Variants in NKAIN2 observed in about 807,000 individuals in gnomAD.
NKAIN2 encodes sodium/potassium-transporting ATPase subunit beta-1-interacting protein 2.
A neutral mutation model predicts 32.6 loss-of-function variants in NKAIN2; 14 were observed. That is an observed-to-expected ratio of 0.43 (90% CI 0.28 to 0.67). The LOEUF is 0.67. NKAIN2 is among the 30% of genes least tolerant of loss of function. The pLI, the probability that NKAIN2 is intolerant of heterozygous loss-of-function variation, is 0.17. For synonymous variants in NKAIN2, 80 were observed against 87.2 expected (o/e 0.92, Z 0.46); for missense variants, 198 against 258.3 (o/e 0.77, Z 1.60).
At chr6:124,392,548 AT>A in intron 3 of NKAIN2, among the ~76,000 whole-genome samples, 2 of 152,086 alleles carry the variant, frequency 1.3e-5, no homozygotes, top group African/African-American at 4.8e-5. Flanking sequence ...GCTTGTGTGT[AT>A]TTGCCCTGAG....
chr6:124,166,917 G>A (rs1788577977), intron 1 of NKAIN2, among the ~76,000 whole-genome samples: 3 of 149,214 alleles, frequency 2.0e-5, no homozygotes, highest in Admixed American at 2.0e-4. Context: ...TTTGGTTACT[G>A]TAGCCTTGTA....
chr6:124,364,677 C>T (rs1799442861), intron 3 of NKAIN2, among the ~76,000 whole-genome samples: 1 of 151,488 alleles, frequency 6.6e-6, no homozygotes, highest in African/African-American at 2.4e-5. Context: ...AAGCATTTTT[C>T]AACAACACGT....
At chr6:124,646,988 G>A (rs1007030620) in intron 3 of NKAIN2, among the ~76,000 whole-genome samples, 4 of 151,354 alleles carry the variant, frequency 2.6e-5, no homozygotes, top group Non-Finnish European at 4.4e-5. Context: ...AACAAAAAAA[G>A]CAAGAAACCT....
chr6:124,209,659 T>G (rs1209907606), intron 1 of NKAIN2, among the ~76,000 whole-genome samples: 1 of 151,922 alleles, frequency 6.6e-6, no homozygotes, highest in Non-Finnish European at 1.5e-5. Context: ...TTAACAATGG[T>G]AAGATGATCT....
At chr6:124,687,275 TAGAGAG>T (rs201082924) in intron 4 of NKAIN2, among the ~76,000 whole-genome samples, 1 of 126,854 alleles carries the variant, frequency 7.9e-6, no homozygotes. Flanking sequence ...TCTCTATATA[TAGAGAG>T]AGAATATATA....
chr6:124,283,302 A>G (rs1795390394), intron 2 of NKAIN2, 160 bp downstream of exon 2: 1 of 548,304 alleles, frequency 1.8e-6, no homozygotes, highest in Non-Finnish European at 3.2e-6. Context: ...TTCCATCAAC[A>G]GTAATTGAAA....
chr6:124,463,203 G>A (rs570454988), intron 3 of NKAIN2, among the ~76,000 whole-genome samples: 110 of 151,992 alleles, frequency 7.2e-4, no homozygotes, highest in Middle Eastern at 3.4e-3. Flanking sequence ...AACAACCTAA[G>A]TTTAAAGAAT....
intron 4 of NKAIN2, among the ~76,000 whole-genome samples, chr6:124,660,155 G>A (rs1784695094): frequency 6.6e-6 from 1 of 152,070 alleles, no homozygotes; most frequent in South Asian, 2.1e-4. Context: ...TGTATTAAAA[G>A]GAGGTTTTAA....
intron 3 of NKAIN2, among the ~76,000 whole-genome samples, chr6:124,363,572 G>A (rs1053616504): frequency 4.6e-5 from 7 of 152,232 alleles, no homozygotes; most frequent in East Asian, 1.9e-4. Context: ...AAAATTTTTC[G>A]GCAGTCATGC....
chr6:124,331,345 CAAAAAAAAAAAAAAAAAAAA>C (rs1162529828), intron 2 of NKAIN2, among the ~76,000 whole-genome samples: 8 of 20,816 alleles, frequency 3.8e-4, no homozygotes, highest in South Asian at 4.2e-3. Flanking sequence ...ACTAAATATA[CAAAAAAAAAAAAAAAAAAAA>C]AAAAAAAAAA....
chr6:124,604,903 T>G (rs1782441634), intron 3 of NKAIN2, among the ~76,000 whole-genome samples: 1 of 151,986 alleles, frequency 6.6e-6, no homozygotes, highest in Non-Finnish European at 1.5e-5. Flanking sequence ...GCTGATTCAT[T>G]GCTCCATCCC....
intron 3 of NKAIN2, among the ~76,000 whole-genome samples, chr6:124,525,538 G>GA (rs1292035768): frequency 1.3e-5 from 2 of 151,888 alleles, no homozygotes; most frequent in Non-Finnish European, 2.9e-5. Context: ...AGCAATGATG[G>GA]AAAAAAACTT....
chr6:124,390,947 G>A (rs1454979565), intron 3 of NKAIN2: 5 of 151,956 alleles, frequency 3.3e-5, no homozygotes, highest in Non-Finnish European at 7.4e-5. Flanking sequence ...AAAAAGAGAA[G>A]CATCTAAAAA....
chr6:124,729,850 C>A lies in NKAIN2; in HGVS notation c.475-61489C>A, dbSNP rs183042452. On this transcript the variant is annotated intron_variant, in intron 4 of 6. Coordinates refer to ENST00000368417, the MANE Select transcript of NKAIN2 (RefSeq NM_001040214.3). ...AAAATCTCCTTAAGCTGATAAGCAACTTCAGCAAAGTCTTAGGATACAAAA... is the reference window on the plus strand; with the variant it reads ...AAAATCTCCTTAAGCTGATAAGCAAATTCAGCAAAGTCTTAGGATACAAAA... Among the ~76,000 whole-genome samples the A allele has an allele frequency of 3.1e-3, 477 of 151,862 alleles. 3 individuals carry two copies. The highest frequency in any genetic ancestry group is 6.8e-3 in the Middle Eastern group (2 of 294).
At chr6:124,406,133 A>G (rs974709745) in intron 3 of NKAIN2, among the ~76,000 whole-genome samples, 1 of 151,928 alleles carries the variant, frequency 6.6e-6, no homozygotes, top group African/African-American at 2.4e-5. Flanking sequence ...GTTTTGACAT[A>G]TGTATATACT....
At chr6:124,227,377 A>G (rs1401067182) in intron 1 of NKAIN2, among the ~76,000 whole-genome samples, 2 of 152,186 alleles carry the variant, frequency 1.3e-5, no homozygotes, top group Non-Finnish European at 2.9e-5. Flanking sequence ...TGTTTTGCAA[A>G]ACTCTTCTAA....
intron 1 of NKAIN2, among the ~76,000 whole-genome samples, chr6:123,891,833 AAT>A (rs373838902): frequency 1.3e-5 from 2 of 152,206 alleles, no homozygotes; most frequent in African/African-American, 4.8e-5. Context: ...TTTTGAAAGA[AAT>A]AAAGAATAGA....
chr6:124,424,096 C>G lies in NKAIN2; in HGVS notation c.273+68749C>G, dbSNP rs369426639. Among the ~76,000 whole-genome samples, 22 of 152,186 alleles carry G rather than the reference C, an allele frequency of 1.4e-4. No homozygotes were observed. The East Asian group carries it at 2.3e-3, about 16-fold the overall frequency. ...GCAAGCTCTGCCTCCCGGGTTCACG[C>G]CGTTCTCCTGTCTCAGCCTCCTGAG... On this transcript the variant is annotated intron_variant, in intron 3 of 6. Transcript: ENST00000368417.
chr6:124,576,277 A>C (rs1309146033), intron 3 of NKAIN2, among the ~76,000 whole-genome samples: 1 of 152,186 alleles, frequency 6.6e-6, no homozygotes, highest in Non-Finnish European at 1.5e-5. Context: ...TTTTCATGGA[A>C]AGTGGTATTT....
Sources: allele counts gnomAD v4.1 joint callset (sites outside exome capture counted in the v4.1 genomes callset), GRCh38; gene constraint gnomAD v4.1.1; transcripts MANE v1.5; gene names NCBI Gene and HGNC (gene_info 2026-07-23, HGNC 2026-07-21).